The following KCNT2 variants were observed in gnomAD, a reference collection of about 807,000 sequenced individuals.
KCNT2 encodes the protein potassium sodium-activated channel subfamily T member 2.
A neutral mutation model predicts 153.8 loss-of-function variants in KCNT2; 67 were observed. That is an observed-to-expected ratio of 0.44 (90% CI 0.36 to 0.53). KCNT2 has a LOEUF of 0.53. Ranked by LOEUF, KCNT2 falls within the 20% of genes least tolerant of loss-of-function variation. The probability of loss-of-function intolerance (pLI) is 0.00; values close to 1 mark genes in which losing one functional copy is unlikely to be tolerated. For missense variants in KCNT2, 975 were observed against 1,354.8 expected (o/e 0.72, Z 4.40); for synonymous variants, 500 against 458.8 (o/e 1.09, Z -1.15).
At chr1:196,415,528 A>ATT (rs1195402783) in intron 12 of KCNT2, among the ~76,000 whole-genome samples, 1 of 151,220 alleles carries the variant, frequency 6.6e-6, no homozygotes, top group Non-Finnish European at 1.5e-5. Context: ...ATATATATAT[A>ATT]AATAAATGGT....
At chr1:196,563,799 G>C (rs1659745360) in intron 1 of KCNT2, among the ~76,000 whole-genome samples, 1 of 151,834 alleles carries the variant, frequency 6.6e-6, no homozygotes, top group Admixed American at 6.6e-5. Context: ...AAAAAAATTT[G>C]AAAGAATTCA....
chr1:196,590,257 C>CA (rs2148998797), intron 1 of KCNT2, among the ~76,000 whole-genome samples: 1 of 152,244 alleles, frequency 6.6e-6, no homozygotes, highest in Admixed American at 6.5e-5. Flanking sequence ...CTGTTCTTCA[C>CA]ACAAGGCATT....
rs115426048 is a variant in KCNT2, at chr1:196,267,383, C to A, written c.2911-8889G>T. ...TCGAGAAACAATGACCTGTCAGTAT[C>A]CACAATGTTAAGACAAAACTAACAT... On this transcript the variant is annotated intron_variant, in intron 25 of 27. Transcript: ENST00000294725. 7.6e-3 allele frequency among the ~76,000 whole-genome samples: 1,155 copies of A among 152,286 alleles called. 8 individuals carry two copies. The highest frequency in any genetic ancestry group is 0.02 in the Middle Eastern group (6 of 294).
intron 1 of KCNT2, among the ~76,000 whole-genome samples, chr1:196,540,905 A>T (rs1047655852): frequency 6.6e-6 from 1 of 151,876 alleles, no homozygotes; most frequent in Admixed American, 6.6e-5. Context: ...TCTCTACTAA[A>T]AATACAAAAA....
chr1:196,519,134 G>GA (rs1653004767), intron 1 of KCNT2, among the ~76,000 whole-genome samples: 2 of 151,712 alleles, frequency 1.3e-5, no homozygotes, highest in South Asian at 2.1e-4. Flanking sequence ...CAAGAATAAA[G>GA]AAAAAAATCA....
chr1:196,500,224 CGGAGAGAG>C (rs1680571271), intron 1 of KCNT2, among the ~76,000 whole-genome samples: 1 of 80,214 alleles, frequency 1.2e-5, no homozygotes, highest in Non-Finnish European at 2.2e-5. Context: ...GAGAGAGAGA[CGGAGAGAG>C]AGAGAGAGAG....
At chr1:196,442,460 G>C (rs754717896) in intron 8 of KCNT2, among the ~76,000 whole-genome samples, 25 of 151,772 alleles carry the variant, frequency 1.6e-4, no homozygotes, top group Non-Finnish European at 3.2e-4. Flanking sequence ...TTAGAGTTTA[G>C]TGGAAGAGAT....
At chr1:196,394,436 G>A (rs1670750109) in intron 13 of KCNT2, among the ~76,000 whole-genome samples, 1 of 151,600 alleles carries the variant, frequency 6.6e-6, no homozygotes, top group African/African-American at 2.4e-5. Context: ...GAGAAGGAAA[G>A]CATGACTCAC....
At chr1:196,294,176 G>A (rs1022423782) in intron 22 of KCNT2, among the ~76,000 whole-genome samples, 2 of 152,158 alleles carry the variant, frequency 1.3e-5, no homozygotes, top group African/African-American at 4.8e-5. Context: ...CTGTTAGAAT[G>A]GCTACTATCA....
At chr1:196,422,064 A>G (rs1673255745) in intron 12 of KCNT2, among the ~76,000 whole-genome samples, 1 of 152,024 alleles carries the variant, frequency 6.6e-6, no homozygotes, top group South Asian at 2.1e-4. Flanking sequence ...TGGGACTTCA[A>G]CGCAGGAATT....
In KCNT2 at chr1:196,382,135, G is replaced by A. The variant is rs545545017; in HGVS notation, c.1295-8887C>T. On this transcript the variant is annotated intron_variant, in intron 13 of 27. Coordinates refer to ENST00000294725, the MANE Select transcript of KCNT2 (RefSeq NM_198503.5). ...TATTTTTGAGATGGAGTCTCCCTCT[G>A]TCCCCCAGGCTGGAATGCAGTGGTG... is the stretch of plus-strand genomic sequence containing the variant. Among the ~76,000 whole-genome samples, 20 of 93,356 alleles carry A rather than the reference G, an allele frequency of 2.1e-4. No homozygotes were observed. The East Asian group carries it at 8.2e-3, about 38-fold the overall frequency. 61.2% of individuals were successfully genotyped at this position (93,356 alleles called of 152,430 possible). A position where few individuals can be genotyped will look rare whatever the true frequency, so the allele number is the denominator to read the frequency against.
intron 1 of KCNT2, among the ~76,000 whole-genome samples, chr1:196,575,454 T>C (rs1661241340): frequency 6.6e-6 from 1 of 152,126 alleles, no homozygotes; most frequent in Non-Finnish European, 1.5e-5. Flanking sequence ...TGAACCCACC[T>C]AACGTCTAAT....
At chr1:196,269,405 G>T (rs145852972) in intron 25 of KCNT2, among the ~76,000 whole-genome samples, 1 of 152,166 alleles carries the variant, frequency 6.6e-6, no homozygotes, top group East Asian at 1.9e-4. Context: ...CACACTACAA[G>T]GTAGGCCAGA....
chr1:196,390,876 A>G (rs980631250), intron 13 of KCNT2, among the ~76,000 whole-genome samples: 3 of 147,660 alleles, frequency 2.0e-5, no homozygotes, highest in Non-Finnish European at 4.5e-5. Context: ...CCTACTGTTA[A>G]GATCTCATTC....
chr1:196,331,328 A>G (rs1418731949), intron 17 of KCNT2, 67 bp from the exon 18 acceptor site: 2 of 813,522 alleles, frequency 2.5e-6, no homozygotes, highest in African/African-American at 1.7e-5. Flanking sequence ...AGTTACGACC[A>G]TGTTCCTCTG....
chr1:196,274,161 T>C (rs1420645614), intron 25 of KCNT2, among the ~76,000 whole-genome samples: 1 of 151,670 alleles, frequency 6.6e-6, no homozygotes, highest in African/African-American at 2.4e-5. Context: ...TCTAAACTAA[T>C]TGATTTCCTT....
intron 1 of KCNT2, among the ~76,000 whole-genome samples, chr1:196,560,598 C>T (rs1217793349): frequency 6.6e-6 from 1 of 151,852 alleles, no homozygotes; most frequent in Non-Finnish European, 1.5e-5. Context: ...GGTAACATCC[C>T]TACCTATCTC....
At chr1:196,462,424 G>T (rs1223957811) in intron 8 of KCNT2, among the ~76,000 whole-genome samples, 1 of 151,586 alleles carries the variant, frequency 6.6e-6, no homozygotes, top group Non-Finnish European at 1.5e-5. Flanking sequence ...CTGAAAACTT[G>T]AATACAGTGG....
chr1:196,471,517 T>C (rs1261557073), intron 5 of KCNT2, among the ~76,000 whole-genome samples: 1 of 152,160 alleles, frequency 6.6e-6, no homozygotes, highest in Non-Finnish European at 1.5e-5. Context: ...TCCACTATTG[T>C]ATTTTCACTT....
Sources: allele counts gnomAD v4.1 joint callset (sites outside exome capture counted in the v4.1 genomes callset), GRCh38; gene constraint gnomAD v4.1.1; transcripts MANE v1.5; gene names NCBI Gene and HGNC (gene_info 2026-07-23, HGNC 2026-07-21).